GPATCH2: variants seen among roughly 807,000 people sequenced by gnomAD.
The protein encoded by GPATCH2 is G-patch domain containing 2.
In GPATCH2, 51 loss-of-function variants were observed where a neutral mutation model predicts 58.0. That is an observed-to-expected ratio of 0.88 (90% CI 0.70 to 1.11). The LOEUF is 1.11. Among genes scored for constraint, GPATCH2 ranks in the 50% most tolerant of loss-of-function variants. GPATCH2 has a pLI of 0.00. For synonymous variants in GPATCH2, 222 were observed against 218.5 expected (o/e 1.02, Z -0.14); for missense variants, 625 against 652.2 (o/e 0.96, Z 0.45).
chr1:217,614,302 C>T (rs1668778330), intron 2 of GPATCH2, 100 bp from the exon 3 acceptor site: 1 of 695,030 alleles, frequency 1.4e-6, no homozygotes, highest in Non-Finnish European at 2.6e-6. Flanking sequence ...GAACTTAAGC[C>T]TGACAAAGAT....
chr1:217,538,837 T>A (rs1402042783), intron 5 of GPATCH2, among the ~76,000 whole-genome samples: 1 of 152,174 alleles, frequency 6.6e-6, no homozygotes, highest in Non-Finnish European at 1.5e-5. Flanking sequence ...GGGTCCTAAT[T>A]TTTCACACTG....
At chr1:217,499,272 A>T (rs186718908) in intron 6 of GPATCH2, among the ~76,000 whole-genome samples, 3 of 152,332 alleles carry the variant, frequency 2.0e-5, no homozygotes, top group African/African-American at 7.2e-5. Flanking sequence ...AAGTACCTCT[A>T]TGTACTAAGC....
intron 5 of GPATCH2, among the ~76,000 whole-genome samples, chr1:217,571,996 GGAAA>G (rs1235126554): frequency 8.4e-6 from 1 of 119,374 alleles, no homozygotes; most frequent in Admixed American, 8.5e-5. Context: ...AAGGAAGGAA[GGAAA>G]GAAGGAAGGA....
chr1:217,475,098 A>T (rs1458863845), intron 8 of GPATCH2, among the ~76,000 whole-genome samples: 1 of 152,170 alleles, frequency 6.6e-6, no homozygotes, highest in Non-Finnish European at 1.5e-5. Context: ...AGAAAAAAAT[A>T]TGCACTCACA....
chr1:217,542,298 G>A (rs1664786946), intron 5 of GPATCH2, among the ~76,000 whole-genome samples: 1 of 152,056 alleles, frequency 6.6e-6, no homozygotes, highest in Non-Finnish European at 1.5e-5. Flanking sequence ...CCATCCTTAC[G>A]GTAGGAGACG....
intron 8 of GPATCH2, among the ~76,000 whole-genome samples, chr1:217,488,361 G>T (rs1661551803): frequency 6.6e-6 from 1 of 152,110 alleles, no homozygotes; most frequent in Non-Finnish European, 1.5e-5. Context: ...GGGTTAGTAA[G>T]TTTCTCCATG....
chr1:217,538,040 C>A (rs899659001), intron 5 of GPATCH2, among the ~76,000 whole-genome samples: 11 of 152,100 alleles, frequency 7.2e-5, no homozygotes, highest in Admixed American at 5.2e-4. Context: ...TCAGCCCTAC[C>A]TTTCCATCAA....
intron 1 of GPATCH2, among the ~76,000 whole-genome samples, chr1:217,624,830 T>A (rs1234585901): frequency 1.3e-5 from 2 of 152,224 alleles, no homozygotes; most frequent in African/African-American, 4.8e-5. Context: ...TTTTCTTCAT[T>A]TGGAACTCAT....
rs868396387 is a variant in GPATCH2 at position 217,620,052 on chromosome 1, T to G, written c.504A>C (p.Ala168=). The G allele has an allele frequency of 6.2e-6, 10 of 1,613,968 alleles. No homozygotes were observed. The highest frequency in any genetic ancestry group is 1.3e-5 in the African/African-American group (1 of 75,048). ...TAGAGATGTCCTGTGGGAGATCTAC[T>G]GCCATGCGTTTTACCTTTCTCCTCC... ...LRRRRKVKRM[A]VDLPQDISNK... is the part of the protein sequence containing the mutation. Residue 168 remains alanine (A), a synonymous_variant, in exon 2 of 10, where the codon GCA becomes GCC. Transcript: ENST00000366935.
intron 5 of GPATCH2, among the ~76,000 whole-genome samples, chr1:217,515,885 A>G (rs1663118323): frequency 6.6e-6 from 1 of 152,088 alleles, no homozygotes; most frequent in Admixed American, 6.5e-5. Context: ...TATAAATAAC[A>G]TGTATTATAA....
chr1:217,558,499 A>G (rs1665754103), intron 5 of GPATCH2, among the ~76,000 whole-genome samples: 1 of 152,176 alleles, frequency 6.6e-6, no homozygotes, highest in South Asian at 2.1e-4. Context: ...CTGATTACGA[A>G]AAAGTCAAGA....
chr1:217,541,646 C>T (rs534960745), intron 5 of GPATCH2, among the ~76,000 whole-genome samples: 1 of 152,204 alleles, frequency 6.6e-6, no homozygotes, highest in African/African-American at 2.4e-5. Flanking sequence ...AAAAATTAAG[C>T]TTCTATATTC....
chr1:217,466,844 T>G (rs1358898100), intron 8 of GPATCH2, among the ~76,000 whole-genome samples: 1 of 151,232 alleles, frequency 6.6e-6, no homozygotes, highest in Admixed American at 6.6e-5. Context: ...GAGAGATGTT[T>G]GCTTCTCTTA....
At chr1:217,561,193 G>A (rs1350933902) in intron 5 of GPATCH2, among the ~76,000 whole-genome samples, 2 of 152,140 alleles carry the variant, frequency 1.3e-5, no homozygotes, top group Admixed American at 6.5e-5. Context: ...AATACACTTG[G>A]TTTTTCCTTG....
intron 5 of GPATCH2, among the ~76,000 whole-genome samples, chr1:217,565,136 TC>T (rs1399939640): frequency 6.6e-6 from 1 of 152,184 alleles, no homozygotes; most frequent in Non-Finnish European, 1.5e-5. Context: ...GAGATTTTAG[TC>T]ACTGAATTAT....
At chr1:217,567,818 A>G (rs1666322496) in intron 5 of GPATCH2, among the ~76,000 whole-genome samples, 1 of 152,158 alleles carries the variant, frequency 6.6e-6, no homozygotes, top group Non-Finnish European at 1.5e-5. Flanking sequence ...CAAAATGTTC[A>G]TCAAAACATT....
intron 8 of GPATCH2, among the ~76,000 whole-genome samples, chr1:217,484,255 T>C (rs1191060525): frequency 6.6e-6 from 1 of 152,100 alleles, no homozygotes; most frequent in Non-Finnish European, 1.5e-5. Flanking sequence ...ACAAAAAGGA[T>C]GAGTACAAAA....
At chr1:217,568,651 C>T (rs1048998614) in intron 5 of GPATCH2, among the ~76,000 whole-genome samples, 1 of 152,056 alleles carries the variant, frequency 6.6e-6, no homozygotes, top group Non-Finnish European at 1.5e-5. Context: ...GACTGCAAGG[C>T]CAGTGTTGCT....
intron 2 of GPATCH2, among the ~76,000 whole-genome samples, chr1:217,616,708 C>T (rs1297979383): frequency 6.6e-6 from 1 of 152,134 alleles, no homozygotes; most frequent in Admixed American, 6.6e-5. Flanking sequence ...CGGCTTATCT[C>T]CAAAGACACC....
Sources: allele counts gnomAD v4.1 joint callset (sites outside exome capture counted in the v4.1 genomes callset), GRCh38; gene constraint gnomAD v4.1.1; transcripts MANE v1.5; gene names NCBI Gene and HGNC (gene_info 2026-07-23, HGNC 2026-07-21).